Variants in COL4A3 observed in about 807,000 individuals in gnomAD.
COL4A3 encodes the protein collagen type IV alpha 3 chain, also known as collagen alpha-3(IV) chain.
In COL4A3, 135 loss-of-function variants were observed where a neutral mutation model predicts 217.4. The ratio of observed to expected loss-of-function variants is 0.62; its 90% CI spans 0.54 to 0.72. The LOEUF (loss-of-function observed/expected upper bound fraction) is 0.72. COL4A3 is among the 30% of genes least tolerant of loss of function. The probability of loss-of-function intolerance (pLI) is 0.00; values close to 1 mark genes in which losing one functional copy is unlikely to be tolerated. For synonymous variants in COL4A3, 690 were observed against 736.3 expected (o/e 0.94, Z 1.02); for missense variants, 1,868 against 2,119.9 (o/e 0.88, Z 2.33).
chr2:227,260,057 T>C (rs1192230713), intron 19 of COL4A3, 180 bp downstream of exon 19: 1 of 753,036 alleles, frequency 1.3e-6, no homozygotes, highest in Non-Finnish European at 2.4e-6. Context: ...ATTTCATAGG[T>C]TGTATACCAG....
rs146180584 is a variant in COL4A3 at position 227,207,518 on chromosome 2, G to A, written c.88-30450G>A. On this transcript the variant is annotated intron_variant, in intron 1 of 51. Coordinates refer to ENST00000396578, the MANE Select transcript of COL4A3 (RefSeq NM_000091.5). ...ACTTTTTATTCTAAACCTAGCTTAC[G>A]GGAAGGAGTACAGTACAGGCTTCCC... Among the ~76,000 whole-genome samples the A allele has an allele frequency of 3.3e-3, 503 of 152,216 alleles. 2 individuals carry two copies. Among genetic ancestry groups the A allele is most frequent in the Middle Eastern group, 0.01 (3 of 294 alleles).
intron 2 of COL4A3, among the ~76,000 whole-genome samples, chr2:227,239,114 G>A (rs913230134): frequency 1.3e-5 from 2 of 152,242 alleles, no homozygotes; most frequent in Middle Eastern, 3.4e-3. Context: ...GGCCTTTACT[G>A]TTGAAGAGTA....
chr2:227,166,246 C>T (rs1293744397), intron 1 of COL4A3, among the ~76,000 whole-genome samples: 2 of 152,190 alleles, frequency 1.3e-5, no homozygotes, highest in African/African-American at 4.8e-5. Flanking sequence ...AACAAAAATG[C>T]ACTTTGCATA....
chr2:227,249,063 C>T (rs1223392006), intron 9 of COL4A3, among the ~76,000 whole-genome samples: 1 of 150,144 alleles, frequency 6.7e-6, no homozygotes, highest in Non-Finnish European at 1.5e-5. Flanking sequence ...ATGTACGTAG[C>T]CTGAGTATGA....
intron 1 of COL4A3, among the ~76,000 whole-genome samples, chr2:227,177,401 C>T (rs866624213): frequency 6.6e-5 from 10 of 152,046 alleles, no homozygotes; most frequent in South Asian, 2.1e-4. Flanking sequence ...ATGATCCGCC[C>T]GCCTCGGCCT....
intron 1 of COL4A3, among the ~76,000 whole-genome samples, chr2:227,177,559 C>T (rs753619588): frequency 6.6e-6 from 1 of 152,108 alleles, no homozygotes; most frequent in Non-Finnish European, 1.5e-5. Context: ...TTGATCATTT[C>T]CAATTATGTA....
intron 1 of COL4A3, among the ~76,000 whole-genome samples, chr2:227,217,671 C>T (rs1185915444): frequency 1.3e-5 from 2 of 152,086 alleles, no homozygotes; most frequent in East Asian, 1.9e-4. Context: ...TATCAATATG[C>T]CATCTAGCAG....
rs143867592 is a variant in COL4A3, at chr2:227,242,797, C to G, written c.235-1523C>G. Among the ~76,000 whole-genome samples, 9 of 152,320 alleles carry G rather than the reference C, an allele frequency of 5.9e-5. No individual in the cohort carries two copies. In the East Asian group the frequency reaches 1.5e-3, roughly 26 times the overall value. ...TATGTCACATATATGATGCCAGAAT[C>G]AAACTCTTGAAACCACACCCACAGC... On this transcript the variant is annotated intron_variant, in intron 3 of 51. Transcript: ENST00000396578.
intron 1 of COL4A3, among the ~76,000 whole-genome samples, chr2:227,206,140 C>T (rs565284615): frequency 6.6e-6 from 1 of 152,142 alleles, no homozygotes; most frequent in African/African-American, 2.4e-5. Flanking sequence ...GTGGTGCGAT[C>T]TCAGCTCACT....
At chr2:227,249,655 T>C (rs2069613443) in intron 9 of COL4A3, among the ~76,000 whole-genome samples, 1 of 152,126 alleles carries the variant, frequency 6.6e-6, no homozygotes, top group Non-Finnish European at 1.5e-5. Flanking sequence ...TGGTGCGCTA[T>C]CCTAACTGAG....
chr2:227,202,622 C>A (rs1017017647), intron 1 of COL4A3, among the ~76,000 whole-genome samples: 7 of 150,934 alleles, frequency 4.6e-5, no homozygotes, highest in African/African-American at 1.7e-4. Flanking sequence ...GTAGTCCCAG[C>A]TACTCGGGAG....
intron 4 of COL4A3, 94 bp from the exon 5 acceptor site, chr2:227,244,857 G>T: frequency 7.7e-7 from 1 of 1,303,012 alleles, no homozygotes; most frequent in Non-Finnish European, 1.1e-6. Flanking sequence ...GGAGGAAAAA[G>T]ATTATCGCAA....
At chr2:227,248,078 T>A (rs905814861) in intron 8 of COL4A3, among the ~76,000 whole-genome samples, 4 of 152,096 alleles carry the variant, frequency 2.6e-5, no homozygotes, top group African/African-American at 9.7e-5. Context: ...TAACTGGGAT[T>A]ACAAGTGCAT....
At chr2:227,266,640 A>G in intron 22 of COL4A3, 131 bp downstream of exon 22, 1 of 749,820 alleles carries the variant, frequency 1.3e-6, no homozygotes, top group Non-Finnish European at 2.4e-6. Flanking sequence ...TCCATTAGCT[A>G]AAAGTATTCA....
At chr2:227,304,795 C>A (rs1486304272) in intron 46 of COL4A3, among the ~76,000 whole-genome samples, 190 bp from the exon 47 acceptor site, 1 of 152,166 alleles carries the variant, frequency 6.6e-6, no homozygotes, top group African/African-American at 2.4e-5. Flanking sequence ...TTTCGAGAGT[C>A]TTATTTTCTG....
At position 227,314,468 on chromosome 2, in the gene COL4A3, C is replaced by A. The variant is rs933437589; in HGVS notation, c.*2598C>A. The A allele has an allele frequency of 2.0e-5, 3 of 152,512 alleles. No individual in the cohort carries two copies. Among genetic ancestry groups the A allele is most frequent in the African/African-American group, 4.8e-5 (2 of 41,406 alleles). 9.4% of individuals were successfully genotyped at this position (152,512 alleles called of 1,614,324 possible). A position where few individuals can be genotyped will look rare whatever the true frequency, so the allele number is the denominator to read the frequency against. On this transcript the variant is annotated 3_prime_UTR_variant, in exon 52 of 52. Coordinates refer to ENST00000396578, the MANE Select transcript of COL4A3 (RefSeq NM_000091.5). ...GGGCTTCAACTTTGGAATTTCACAGCGTGCTAAAATAACAGATTTCTCAGA... is the reference window on the plus strand; with the variant it reads ...GGGCTTCAACTTTGGAATTTCACAGAGTGCTAAAATAACAGATTTCTCAGA...
intron 42 of COL4A3, among the ~76,000 whole-genome samples, chr2:227,298,236 C>T (rs1008780032): frequency 2.0e-5 from 3 of 152,070 alleles, no homozygotes; most frequent in East Asian, 1.9e-4. Context: ...CCTGTAATAC[C>T]GGCAACTCAG....
chr2:227,272,972 C>T lies in COL4A3; in HGVS notation c.1782C>T (p.Asp594=), dbSNP rs1292247409. 6.2e-7 allele frequency: 1 copy of T among 1,614,072 alleles called. No individual in the cohort carries two copies. Among genetic ancestry groups the T allele is most frequent in the Non-Finnish European group, 8.5e-7 (1 of 1,180,010 alleles). The change falls in exon 26 of 52, where the codon GAC becomes GAT. Residue 594 remains aspartate (D), a synonymous_variant. Coordinates refer to ENST00000396578, the MANE Select transcript of COL4A3 (RefSeq NM_000091.5). ...GELALSGEKG[D]QGPPGDPGSP... Reference sequence around the variant, plus strand: ...AGGCTCTGAGTGGTGAGAAAGGGGACCAAGGTCCTCCAGGGGATCCTGGCT... The same window carrying T: ...AGGCTCTGAGTGGTGAGAAAGGGGATCAAGGTCCTCCAGGGGATCCTGGCT...
intron 1 of COL4A3, among the ~76,000 whole-genome samples, chr2:227,209,473 C>T (rs1029933046): frequency 7.2e-5 from 11 of 152,176 alleles, no homozygotes; most frequent in African/African-American, 2.4e-4. Flanking sequence ...GCAGTACTAG[C>T]CCCATCTCTT....
Sources: gnomAD v4.1 joint callset for allele counts (sites outside exome capture counted in the v4.1 genomes callset) on GRCh38, gnomAD v4.1.1 for gene constraint, MANE v1.5 for transcripts, NCBI Gene and HGNC (gene_info 2026-07-23, HGNC 2026-07-21) for gene names.